Variants in NXN observed in about 807,000 individuals in gnomAD.
The protein encoded by NXN is nucleoredoxin 1.
Under a neutral mutation model 48.6 loss-of-function variants are expected in NXN, and 16 were observed. That is an observed-to-expected ratio of 0.33 (90% CI 0.22 to 0.50). The LOEUF (loss-of-function observed/expected upper bound fraction) is 0.50, where lower values mean the gene tolerates loss of function less well. Among genes scored for constraint, NXN ranks in the 20% least tolerant of loss-of-function variants. The pLI, the probability that NXN is intolerant of heterozygous loss-of-function variation, is 0.98. For synonymous variants in NXN, 281 were observed against 269.6 expected, an observed-to-expected ratio of 1.04 and a Z score of -0.41; for missense variants, 492 against 605.5, an observed-to-expected ratio of 0.81 and a Z score of 1.97.
At position 819,538 on chromosome 17, in the gene NXN, C is replaced by G. The variant is rs1912700391; in HGVS notation, c.721G>C (p.Glu241Gln). 6.3e-7 allele frequency: 1 copy of G among 1,599,012 alleles called. No homozygotes were observed. Residue 241 changes from glutamate (E) to glutamine (Q), a missense_variant, in exon 5 of 8, where the codon GAG (glutamate) becomes CAG (glutamine). Physicochemically the swap from Glu to Gln is conservative, Grantham distance 29. This residue lies in a region of NXN where 303 missense variants were observed against 388.3 expected (regional missense o/e 0.78). Coordinates refer to ENST00000336868, the MANE Select transcript of NXN (RefSeq NM_022463.5). ...TCACTGAAGTACTGTTTGAAGGACT[C>G]CTCCGACCTACAGAGAGACACACGT... ...IIFVSADRSE[E>Q]SFKQYFSEMP...
At position 804,439 on chromosome 17, in the gene NXN, C is replaced by T. The variant is rs147767679; in HGVS notation, c.1000+629G>A. Among the ~76,000 whole-genome samples the T allele has an allele frequency of 7.0e-3, 1,063 of 152,200 alleles. 9 individuals carry two copies. Among genetic ancestry groups the T allele is most frequent in the African/African-American group, 0.024 (976 of 41,514 alleles). On this transcript the variant is annotated intron_variant, in intron 6 of 7. Transcript: ENST00000336868. Reference sequence around the variant, plus strand: ...CTGGGATTACAGGCGTGAGCCACCACACCCAGGCTCGTACAGTGATTTTGA... The same window carrying T: ...CTGGGATTACAGGCGTGAGCCACCATACCCAGGCTCGTACAGTGATTTTGA...
At chr17:822,128 A>G (rs531561639) in intron 4 of NXN, among the ~76,000 whole-genome samples, 2 of 151,898 alleles carry the variant, frequency 1.3e-5, no homozygotes, top group East Asian at 3.9e-4. Flanking sequence ...AAAATACAAA[A>G]ATTAGCCGGG....
At chr17:809,730 G>C (rs1189985060) in intron 5 of NXN, among the ~76,000 whole-genome samples, 1 of 147,384 alleles carries the variant, frequency 6.8e-6, no homozygotes, top group African/African-American at 2.5e-5. Context: ...TCCTTACAAA[G>C]ACCATAGCGA....
intron 1 of NXN, among the ~76,000 whole-genome samples, chr17:955,305 T>C (rs967877929): frequency 1.3e-5 from 2 of 151,496 alleles, no homozygotes; most frequent in Non-Finnish European, 2.9e-5. Flanking sequence ...GTAGCTGGGA[T>C]TACAGGCATG....
chr17:890,946 C>T (rs958055475), intron 1 of NXN, among the ~76,000 whole-genome samples: 1 of 152,146 alleles, frequency 6.6e-6, no homozygotes, highest in Non-Finnish European at 1.5e-5. Flanking sequence ...TTCACGAATA[C>T]GGCCCCTCCA....
intron 5 of NXN, among the ~76,000 whole-genome samples, chr17:807,835 G>A (rs541249283): frequency 4.6e-5 from 7 of 152,372 alleles, no homozygotes; most frequent in Non-Finnish European, 7.3e-5. Context: ...TCCCTCCAAA[G>A]GTGAACCAGG....
At chr17:829,398 G>A (rs1357746281) in intron 1 of NXN, among the ~76,000 whole-genome samples, 6 of 150,360 alleles carry the variant, frequency 4.0e-5, no homozygotes, top group South Asian at 2.1e-4. Context: ...CAGGTGATCC[G>A]CCCACCTCGG....
chr17:879,588 C>T (rs993985415), intron 1 of NXN, among the ~76,000 whole-genome samples: 6 of 151,840 alleles, frequency 4.0e-5, no homozygotes, highest in East Asian at 3.9e-4. Flanking sequence ...CGCCCGGCCA[C>T]GAGTCTGGTT....
At chr17:945,039 A>G (rs1435629302) in intron 1 of NXN, among the ~76,000 whole-genome samples, 1 of 152,118 alleles carries the variant, frequency 6.6e-6, no homozygotes, top group Admixed American at 6.5e-5. Context: ...CGTCATCAAC[A>G]TGCCAGGCAA....
intron 1 of NXN, among the ~76,000 whole-genome samples, chr17:977,991 C>T (rs2069481544): frequency 1.3e-5 from 2 of 152,206 alleles, no homozygotes; most frequent in African/African-American, 2.4e-5. Flanking sequence ...GTATTTCATA[C>T]TTTAAATCTC....
intron 1 of NXN, among the ~76,000 whole-genome samples, chr17:969,254 A>C (rs1234933114): frequency 6.6e-6 from 1 of 152,118 alleles, no homozygotes; most frequent in Non-Finnish European, 1.5e-5. Flanking sequence ...TGGTACCATC[A>C]TCTCCATTTT....
In NXN at chr17:803,903, C is replaced by T. The variant is rs113125474; in HGVS notation, c.1001-97G>A. On this transcript the variant is annotated intron_variant, in intron 6 of 7. Transcript: ENST00000336868. The stretch of plus-strand genomic sequence containing the variant: ...CGAGGGGGCCTGAGCTGCAGAAACG[C>T]CCGCCTGAGCGGCCCCTGAACGGAA... 2.0e-3 allele frequency: 3,079 copies of T among 1,515,662 alleles called. 50 individuals are homozygous for T. The African/African-American group carries it at 0.036, about 18-fold the overall frequency. The allele number at this position is 1,515,662 out of a possible 1,614,324, so 93.9% of individuals were successfully genotyped here.
chr17:826,158 G>A, intron 1 of NXN, 80 bp from the exon 2 acceptor site: 1 of 900,950 alleles, frequency 1.1e-6, no homozygotes, highest in Non-Finnish European at 1.9e-6. Flanking sequence ...CTTAGGTCTG[G>A]AGGCTGGATG....
At chr17:819,357 C>T (rs1348663505) in intron 5 of NXN, 82 bp downstream of exon 5, 6 of 937,510 alleles carry the variant, frequency 6.4e-6, no homozygotes, top group Non-Finnish European at 1.7e-6. Context: ...TGCTCTTCTT[C>T]TTAAAGGAAA....
chr17:813,064 C>T (rs561650808), intron 5 of NXN, among the ~76,000 whole-genome samples: 41 of 152,306 alleles, frequency 2.7e-4, no homozygotes, highest in Non-Finnish European at 5.4e-4. Flanking sequence ...CGTGTGTTCA[C>T]ACACCTGGAA....
rs1260804524 is a variant in NXN, at chr17:979,742, A to T, written c.-64T>A. 1 of 1,239,156 alleles carries T rather than the reference A, an allele frequency of 8.1e-7. No individual in the cohort carries two copies. Among genetic ancestry groups the T allele is most frequent in the Non-Finnish European group, 1.0e-6 (1 of 983,366 alleles). 76.8% of individuals were successfully genotyped at this position (1,239,156 alleles called of 1,614,324 possible). On this transcript the variant is annotated 5_prime_UTR_variant, in exon 1 of 8. Transcript: ENST00000336868. ...GCTCCACGGTCCGCGCGGCGGGAGG[A>T]GGCGGCGGCGTCGGCGGCAGGCGCT...
At chr17:947,984 G>A (rs999045556) in intron 1 of NXN, among the ~76,000 whole-genome samples, 2 of 152,000 alleles carry the variant, frequency 1.3e-5, no homozygotes, top group African/African-American at 2.4e-5. Context: ...CCGGGAGGCG[G>A]AGGTTGCAGT....
intron 1 of NXN, among the ~76,000 whole-genome samples, chr17:855,481 T>C (rs539663719): frequency 1.3e-5 from 2 of 152,314 alleles, no homozygotes; most frequent in South Asian, 4.1e-4. Context: ...AGGATCAAAA[T>C]GTGGGTAAAA....
At chr17:954,624 G>A (rs756237469) in intron 1 of NXN, among the ~76,000 whole-genome samples, 18 of 152,220 alleles carry the variant, frequency 1.2e-4, no homozygotes, top group Non-Finnish European at 2.6e-4. Flanking sequence ...CCAGGCCCCA[G>A]GGCCGAGTGC....
Sources: gnomAD v4.1 joint callset for allele counts (sites outside exome capture counted in the v4.1 genomes callset) on GRCh38, gnomAD v4.1.1 for gene constraint, gnomAD v4.1.1 regional missense constraint, MANE v1.5 for transcripts, NCBI Gene and HGNC (gene_info 2026-07-23, HGNC 2026-07-21) for gene names.